Variants in RABGAP1L observed in about 807,000 individuals in gnomAD.
RABGAP1L encodes RAB GTPase activating protein 1 like.
A neutral mutation model predicts 137.7 loss-of-function variants in RABGAP1L; 63 were observed. That is an observed-to-expected ratio of 0.46 (90% confidence interval 0.37 to 0.56). RABGAP1L has a LOEUF of 0.56. Among genes scored for constraint, RABGAP1L ranks in the 20% least tolerant of loss-of-function variants. RABGAP1L has a pLI of 0.00. For missense variants in RABGAP1L, 1,095 were observed against 1,244.0 expected, an observed-to-expected ratio of 0.88 and a Z score of 1.80; for synonymous variants, 431 against 433.7, an observed-to-expected ratio of 0.99 and a Z score of 0.08.
intron 13 of RABGAP1L, among the ~76,000 whole-genome samples, chr1:174,589,202 T>G (rs1234589186): frequency 6.6e-6 from 1 of 152,228 alleles, no homozygotes; most frequent in East Asian, 1.9e-4. Context: ...CAGTGATTGA[T>G]GATGTTGAGC....
At chr1:174,543,239 G>T (rs1665646324) in intron 13 of RABGAP1L, among the ~76,000 whole-genome samples, 1 of 152,156 alleles carries the variant, frequency 6.6e-6, no homozygotes, top group Non-Finnish European at 1.5e-5. Context: ...AAGTCTCTTT[G>T]TAGGTCACTC....
intron 1 of RABGAP1L, among the ~76,000 whole-genome samples, chr1:174,188,830 G>A (rs1367400946): frequency 6.6e-6 from 1 of 152,148 alleles, no homozygotes; most frequent in Admixed American, 6.5e-5. Context: ...TACAGCACAG[G>A]CAGAGTAGAT....
chr1:174,744,090 TA>T (rs10694829), intron 17 of RABGAP1L, among the ~76,000 whole-genome samples: 6,772 of 44,966 alleles, frequency 0.15, 340 homozygotes, highest in African/African-American at 0.29. Context: ...GTGAAATACG[TA>T]AAAAAAAAAA....
chr1:174,841,904 A>G (rs186440984), intron 19 of RABGAP1L, among the ~76,000 whole-genome samples: 18 of 152,138 alleles, frequency 1.2e-4, no homozygotes, highest in Middle Eastern at 3.4e-3. Flanking sequence ...TGTCATGTGA[A>G]ACCATATAAC....
intron 19 of RABGAP1L, among the ~76,000 whole-genome samples, chr1:174,878,898 A>G (rs908827211): frequency 1.4e-4 from 21 of 151,058 alleles, no homozygotes; most frequent in Admixed American, 1.2e-3. Context: ...AATGATATTA[A>G]GAGAATTATG....
chr1:174,266,603 A>G (rs534116747), intron 7 of RABGAP1L, among the ~76,000 whole-genome samples: 6 of 152,216 alleles, frequency 3.9e-5, no homozygotes, highest in Non-Finnish European at 8.8e-5. Flanking sequence ...TCTGCTGTTC[A>G]GTCCACAAGT....
At chr1:174,399,787 A>G (rs777626167) in intron 13 of RABGAP1L, among the ~76,000 whole-genome samples, 2 of 152,146 alleles carry the variant, frequency 1.3e-5, no homozygotes, top group South Asian at 2.1e-4. Flanking sequence ...CCAGATGCTT[A>G]TAAAACCATC....
At chr1:174,307,979 AC>A (rs1214187479) in intron 11 of RABGAP1L, among the ~76,000 whole-genome samples, 1 of 151,896 alleles carries the variant, frequency 6.6e-6, no homozygotes, top group Non-Finnish European at 1.5e-5. Context: ...GGAAACACTT[AC>A]TTTTGCTTTT....
At chr1:174,878,520 C>T (rs975855239) in intron 19 of RABGAP1L, among the ~76,000 whole-genome samples, 14 of 152,126 alleles carry the variant, frequency 9.2e-5, no homozygotes, top group African/African-American at 2.9e-4. Context: ...CCACCACGCC[C>T]GGCCCCCAAA....
intron 12 of RABGAP1L, among the ~76,000 whole-genome samples, chr1:174,383,648 T>TCGCGCA (rs1438117432): frequency 6.6e-6 from 1 of 152,170 alleles, no homozygotes; most frequent in Non-Finnish European, 1.5e-5. Flanking sequence ...CTGCTTCGGC[T>TCGCGCA]CGCGCACGGT....
chr1:174,224,788 C>G (rs1670037241), intron 3 of RABGAP1L, among the ~76,000 whole-genome samples: 1 of 152,118 alleles, frequency 6.6e-6, no homozygotes, highest in Non-Finnish European at 1.5e-5. Context: ...CCAGTGTCTT[C>G]TTGTCTCCAT....
chr1:174,882,323 C>G (rs1000044231), intron 19 of RABGAP1L, among the ~76,000 whole-genome samples: 1 of 151,970 alleles, frequency 6.6e-6, no homozygotes, highest in Non-Finnish European at 1.5e-5. Flanking sequence ...GGTAAAAATC[C>G]GATTAAATAC....
chr1:174,783,707 C>CTTTTTTTTTTTTTT (rs34367315), intron 18 of RABGAP1L, among the ~76,000 whole-genome samples: 8 of 102,476 alleles, frequency 7.8e-5, no homozygotes, highest in Non-Finnish European at 1.2e-4. Context: ...TCTTCTTCTT[C>CTTTTTTTTTTTTTT]TTTTTTTTTT....
At chr1:174,615,542 A>G (rs1159952856) in intron 13 of RABGAP1L, among the ~76,000 whole-genome samples, 2 of 152,168 alleles carry the variant, frequency 1.3e-5, no homozygotes, top group Non-Finnish European at 2.9e-5. Context: ...GACCCAATTG[A>G]GGAGGCATTC....
chr1:174,890,917 G>C (rs989696498), intron 19 of RABGAP1L, among the ~76,000 whole-genome samples: 1 of 152,080 alleles, frequency 6.6e-6, no homozygotes, highest in African/African-American at 2.4e-5. Context: ...TCAATATTTT[G>C]CTCCTACAAT....
Position 174,448,791 on chromosome 1 carries a change from T to G in RABGAP1L, c.1710+54646T>G, listed in dbSNP as rs757981321. On this transcript the variant is annotated intron_variant, in intron 13 of 25. Transcript: ENST00000681986. This position sits in a 1 kb window ranked among gnomAD's most constrained non-coding sequence, Gnocchi z 4.2. ...GTCTGCTTCACTTACTTCCACATTT[T>G]CAAAATTTGCCGTCAGCACACCAAA... is the stretch of plus-strand genomic sequence containing the variant. The G allele has an allele frequency of 1.2e-6, 2 of 1,614,020 alleles. No homozygotes were observed. The highest frequency in any genetic ancestry group is 1.7e-6 in the Non-Finnish European group (2 of 1,179,952).
chr1:174,295,880 G>A lies in RABGAP1L; in HGVS notation c.1324-9106G>A, dbSNP rs1355584286. 3.9e-5 allele frequency among the ~76,000 whole-genome samples: 6 copies of A among 152,218 alleles called. No individual in the cohort carries two copies. The East Asian group carries it at 7.7e-4, about 20-fold the overall frequency. ...AGGTAGAGATGTTTAGCAAGCAGTTGGATATTTGTAACCTAAGCTTGGGAA... is the reference window on the plus strand; with the variant it reads ...AGGTAGAGATGTTTAGCAAGCAGTTAGATATTTGTAACCTAAGCTTGGGAA... On this transcript the variant is annotated intron_variant, in intron 10 of 25. Transcript: ENST00000681986.
At chr1:174,925,869 T>G (rs867745711) in intron 19 of RABGAP1L, among the ~76,000 whole-genome samples, 11 of 135,466 alleles carry the variant, frequency 8.1e-5, no homozygotes, top group Admixed American at 5.2e-4. Flanking sequence ...GTTTTTTTTT[T>G]GTTTTTGTTT....
At chr1:174,456,782 C>A (rs1034372083) in intron 13 of RABGAP1L, among the ~76,000 whole-genome samples, 3 of 152,004 alleles carry the variant, frequency 2.0e-5, no homozygotes, top group African/African-American at 7.2e-5. Context: ...AAAATGAGTT[C>A]CACTGAGTTA....
Sources: allele counts gnomAD v4.1 joint callset (sites outside exome capture counted in the v4.1 genomes callset), GRCh38; gene constraint gnomAD v4.1.1; non-coding constraint Gnocchi (gnomAD v3.1); transcripts MANE v1.5; gene names NCBI Gene and HGNC (gene_info 2026-07-23, HGNC 2026-07-21).